Variants in DISC1 observed in about 807,000 individuals in gnomAD.
DISC1 encodes disrupted in schizophrenia 1 protein.
DISC1 carries 57 observed loss-of-function variants against 84.5 expected under a neutral mutation model. The observed-to-expected ratio is 0.67, with a 90% confidence interval of 0.55 to 0.84. The LOEUF is 0.84. Ranked by LOEUF, DISC1 falls within the 40% of genes least tolerant of loss-of-function variation. The pLI, the probability that DISC1 is intolerant of heterozygous loss-of-function variation, is 0.00. For synonymous variants in DISC1, 411 were observed against 415.2 expected, an observed-to-expected ratio of 0.99 and a Z score of 0.12; for missense variants, 1,000 against 1,057.8, an observed-to-expected ratio of 0.95 and a Z score of 0.76.
At chr1:231,668,106 A>G (rs2062195483) in intron 1 of DISC1, among the ~76,000 whole-genome samples, 1 of 152,046 alleles carries the variant, frequency 6.6e-6, no homozygotes, top group Non-Finnish European at 1.5e-5. Flanking sequence ...GATAAGTTTC[A>G]GGATAAGTAC....
chr1:231,787,627 C>G (rs948088207), intron 6 of DISC1, among the ~76,000 whole-genome samples: 1 of 152,188 alleles, frequency 6.6e-6, no homozygotes. Flanking sequence ...GTTTCCGACA[C>G]GTGAATTCTG....
At chr1:231,682,115 G>A (rs1243158992) in intron 1 of DISC1, among the ~76,000 whole-genome samples, 1 of 152,170 alleles carries the variant, frequency 6.6e-6, no homozygotes, top group Non-Finnish European at 1.5e-5. Flanking sequence ...GGGAAGGGGA[G>A]GAGGATATAG....
At chr1:231,884,573 A>T (rs1372825254) in intron 9 of DISC1, among the ~76,000 whole-genome samples, 1 of 152,102 alleles carries the variant, frequency 6.6e-6, no homozygotes, top group Non-Finnish European at 1.5e-5. Flanking sequence ...CGTGCATGTG[A>T]CTTTATGATG....
At chr1:231,918,539 C>T (rs1572052840) in intron 9 of DISC1, among the ~76,000 whole-genome samples, 1 of 152,166 alleles carries the variant, frequency 6.6e-6, no homozygotes, top group East Asian at 1.9e-4. Flanking sequence ...TACAACATGT[C>T]TGTGTTAGAT....
At chr1:231,859,202 T>A (rs745628664) in intron 9 of DISC1, among the ~76,000 whole-genome samples, 11 of 152,248 alleles carry the variant, frequency 7.2e-5, no homozygotes, top group Non-Finnish European at 1.5e-4. Flanking sequence ...TTTCACTTGT[T>A]TCTTCATTGA....
chr1:231,863,582 C>T (rs190449716), intron 9 of DISC1, among the ~76,000 whole-genome samples: 10 of 152,224 alleles, frequency 6.6e-5, no homozygotes, highest in Admixed American at 4.6e-4. Context: ...CAGGTAGATT[C>T]GAACCATTGC....
chr1:231,832,392 T>A (rs186749806), intron 9 of DISC1, among the ~76,000 whole-genome samples: 46,532 of 147,808 alleles, frequency 0.31, 7,076 homozygotes, highest in East Asian at 0.38. Flanking sequence ...AATTCTGACC[T>A]CACTAACCAT....
At chr1:231,866,646 A>G (rs3082) in intron 9 of DISC1, 548,572 of 1,552,548 alleles carry the variant, frequency 0.35, 99,204 homozygotes, top group South Asian at 0.38. Context: ...CCAGCGCTCA[A>G]CTACTATTAA....
At chr1:231,935,999 G>A (rs2090961709) in intron 9 of DISC1, among the ~76,000 whole-genome samples, 2 of 152,174 alleles carry the variant, frequency 1.3e-5, no homozygotes, top group African/African-American at 4.8e-5. Flanking sequence ...AACTGCAGGA[G>A]GAAACTGGCC....
rs536725203 is a variant in DISC1, at chr1:231,798,864, G to A, written c.1690-1244G>A. Among the ~76,000 whole-genome samples the A allele has an allele frequency of 2.2e-4, 33 of 152,204 alleles. No individual in the cohort carries two copies. In the East Asian group the frequency reaches 6.0e-3, roughly 28 times the overall value. On this transcript the variant is annotated intron_variant, in intron 7 of 12. Transcript: ENST00000439617. ...TGAGAGAAAGAGTGGAGTATTTTAG[G>A]CAGGATGGATGAGGTCTGCTTTGAC...
At chr1:231,936,182 A>T (rs1182564016) in intron 9 of DISC1, among the ~76,000 whole-genome samples, 2 of 151,898 alleles carry the variant, frequency 1.3e-5, no homozygotes, top group Non-Finnish European at 2.9e-5. Context: ...TGGTTGGTTC[A>T]CGGCCCTGGG....
At chr1:231,744,606 T>C (rs1043578364) in intron 3 of DISC1, among the ~76,000 whole-genome samples, 9 of 152,106 alleles carry the variant, frequency 5.9e-5, no homozygotes, top group Non-Finnish European at 1.3e-4. Flanking sequence ...ATATATGTAA[T>C]GGGTGAGAGA....
At chr1:231,660,816 C>G (rs1006624711) in intron 1 of DISC1, among the ~76,000 whole-genome samples, 1 of 152,122 alleles carries the variant, frequency 6.6e-6, no homozygotes, top group African/African-American at 2.4e-5. Flanking sequence ...CATCATGATG[C>G]TAGCTGGTTA....
chr1:231,755,573 A>G (rs1268219194), intron 4 of DISC1, among the ~76,000 whole-genome samples: 1 of 151,964 alleles, frequency 6.6e-6, no homozygotes, highest in African/African-American at 2.4e-5. Flanking sequence ...GTATCTTTTT[A>G]TCCTTAACAT....
chr1:231,996,363 A>G (rs1665961135), intron 10 of DISC1, among the ~76,000 whole-genome samples: 1 of 151,880 alleles, frequency 6.6e-6, no homozygotes, highest in South Asian at 2.1e-4. Context: ...CCATTTGTCA[A>G]TTTTGTCTTT....
chr1:231,786,034 T>C (rs910531264), intron 6 of DISC1, among the ~76,000 whole-genome samples: 1 of 152,196 alleles, frequency 6.6e-6, no homozygotes, highest in South Asian at 2.1e-4. Flanking sequence ...CTGTCTCATC[T>C]AATATATTCT....
chr1:231,641,561 A>T (rs2059677811), intron 1 of DISC1, among the ~76,000 whole-genome samples: 1 of 152,222 alleles, frequency 6.6e-6, no homozygotes, highest in Non-Finnish European at 1.5e-5. Context: ...CAAAGCTTCC[A>T]CAATGTGCAA....
chr1:231,808,525 G>A (rs949823780), intron 8 of DISC1, among the ~76,000 whole-genome samples: 1 of 152,192 alleles, frequency 6.6e-6, no homozygotes, highest in Non-Finnish European at 1.5e-5. Context: ...TGTTCTGAGA[G>A]CCCCCAGCTA....
chr1:231,906,237 G>C (rs1185820909), intron 9 of DISC1, among the ~76,000 whole-genome samples: 1 of 152,116 alleles, frequency 6.6e-6, no homozygotes. Context: ...GGTCAGGCTA[G>C]TCTTGAACTC....
Sources: gnomAD v4.1 joint callset for allele counts (sites outside exome capture counted in the v4.1 genomes callset) on GRCh38, gnomAD v4.1.1 for gene constraint, MANE v1.5 for transcripts, NCBI Gene and HGNC (gene_info 2026-07-23, HGNC 2026-07-21) for gene names.